MYO9A: variants seen among roughly 807,000 people sequenced by gnomAD.
MYO9A encodes the protein unconventional myosin-IXa.
MYO9A carries 103 observed loss-of-function variants against 293.3 expected under a neutral mutation model. The observed-to-expected ratio is 0.35, with a 90% CI of 0.30 to 0.41. The LOEUF (loss-of-function observed/expected upper bound fraction) is 0.41, where lower values mean the gene tolerates loss of function less well. Among genes scored for constraint, MYO9A ranks in the 10% least tolerant of loss-of-function variants. The pLI is 1.00. For missense variants in MYO9A, 2,685 were observed against 3,033.0 expected (o/e 0.89, Z 2.69); for synonymous variants, 1,001 against 1,035.7 (o/e 0.97, Z 0.64).
At position 71,859,717 on chromosome 15, in the gene MYO9A, T is replaced by C. The variant is rs777970073; in HGVS notation, c.6153+18A>G. 8.8e-6 allele frequency: 14 copies of C among 1,596,288 alleles called. No homozygotes were observed. The highest frequency in any genetic ancestry group is 3.3e-5 in the South Asian group (3 of 90,608). On this transcript the variant is annotated intron_variant, in intron 34 of 41. Coordinates refer to ENST00000356056, the MANE Select transcript of MYO9A (RefSeq NM_006901.4). ...CAACAGGTCTGTTATCTATTACTGATAGGTGATAATTTCTTACCTTTTTAG... is the reference window on the plus strand; with the variant it reads ...CAACAGGTCTGTTATCTATTACTGACAGGTGATAATTTCTTACCTTTTTAG...
At chr15:71,911,122 CT>C (rs2057836843) in intron 19 of MYO9A, among the ~76,000 whole-genome samples, 1 of 152,166 alleles carries the variant, frequency 6.6e-6, no homozygotes, top group Non-Finnish European at 1.5e-5. Flanking sequence ...AATCTGCTTC[CT>C]GCTGCTATAA....
intron 9 of MYO9A, among the ~76,000 whole-genome samples, chr15:71,998,574 T>TC (rs2076773090): frequency 6.7e-6 from 1 of 150,188 alleles, no homozygotes; most frequent in African/African-American, 2.4e-5. Flanking sequence ...TCTTTTTTTT[T>TC]CTTTTTATTA....
chr15:71,964,275 G>C (rs964847337), intron 13 of MYO9A, among the ~76,000 whole-genome samples: 7 of 151,880 alleles, frequency 4.6e-5, no homozygotes, highest in African/African-American at 1.7e-4. Context: ...ACTGATTTCT[G>C]GTCTTATTTT....
intron 8 of MYO9A, among the ~76,000 whole-genome samples, chr15:72,004,557 C>CA (rs1043074423): frequency 1.5e-4 from 23 of 151,120 alleles, no homozygotes; most frequent in Admixed American, 2.6e-4. Context: ...AACTCCATCT[C>CA]AAAAAAACAA....
intron 22 of MYO9A, among the ~76,000 whole-genome samples, chr15:71,902,739 TA>T (rs1340173077): frequency 6.6e-6 from 1 of 152,180 alleles, no homozygotes; most frequent in Admixed American, 6.5e-5. Flanking sequence ...TTTAGGCAGT[TA>T]AAATTATAGT....
At chr15:71,933,590 G>C (rs2058542257) in intron 18 of MYO9A, 80 bp downstream of exon 18, 1 of 1,261,528 alleles carries the variant, frequency 7.9e-7, no homozygotes, top group Non-Finnish European at 1.1e-6. Context: ...CTTGTTTTTT[G>C]ATGTATGAAG....
intron 1 of MYO9A, among the ~76,000 whole-genome samples, chr15:72,077,618 G>A (rs1204040367): frequency 6.6e-6 from 1 of 151,420 alleles, no homozygotes; most frequent in African/African-American, 2.4e-5. Context: ...CTTGAACCGG[G>A]GTGACGGCAG....
At chr15:72,056,510 G>A (rs1329234273) in intron 1 of MYO9A, among the ~76,000 whole-genome samples, 1 of 152,242 alleles carries the variant, frequency 6.6e-6, no homozygotes, top group East Asian at 1.9e-4. Flanking sequence ...AACATCGTAT[G>A]TTCTCGCTCA....
intron 1 of MYO9A, among the ~76,000 whole-genome samples, chr15:72,097,301 G>A (rs1315385333): frequency 6.6e-6 from 1 of 152,170 alleles, no homozygotes; most frequent in Non-Finnish European, 1.5e-5. Flanking sequence ...TGATTAGTCT[G>A]CAGCCACCAC....
intron 13 of MYO9A, among the ~76,000 whole-genome samples, chr15:71,966,300 G>GTGTGTGTT (rs2075875750): frequency 6.6e-6 from 1 of 151,506 alleles, no homozygotes; most frequent in Non-Finnish European, 1.5e-5. Flanking sequence ...GTGTGTGTGT[G>GTGTGTGTT]TGTGTGTATG....
chr15:72,015,844 C>A (rs1056855079), intron 6 of MYO9A, among the ~76,000 whole-genome samples: 4 of 152,048 alleles, frequency 2.6e-5, no homozygotes, highest in African/African-American at 9.6e-5. Flanking sequence ...CCCGCCACCA[C>A]ATCCAGCTAA....
chr15:71,941,616 A>G (rs1225704359), intron 15 of MYO9A, among the ~76,000 whole-genome samples: 5 of 152,238 alleles, frequency 3.3e-5, no homozygotes, highest in Non-Finnish European at 7.3e-5. Context: ...TTTGAAAAAT[A>G]TTGGCCAAAA....
intron 32 of MYO9A, among the ~76,000 whole-genome samples, chr15:71,866,994 C>T (rs1382401418): frequency 6.6e-6 from 1 of 151,828 alleles, no homozygotes; most frequent in Non-Finnish European, 1.5e-5. Context: ...GAGGTGGAAG[C>T]TGTGGTGAGC....
At chr15:72,034,693 C>T (rs182853995) in intron 2 of MYO9A, among the ~76,000 whole-genome samples, 1 of 152,302 alleles carries the variant, frequency 6.6e-6, no homozygotes, top group Non-Finnish European at 1.5e-5. Flanking sequence ...CAGAAACATA[C>T]ATTTCATCAA....
At chr15:72,048,553 C>G (rs1160839516) in intron 1 of MYO9A, among the ~76,000 whole-genome samples, 2 of 152,038 alleles carry the variant, frequency 1.3e-5, no homozygotes, top group African/African-American at 4.8e-5. Context: ...GGATCTGTAC[C>G]TATCAATCTG....
At chr15:71,917,015 C>T (rs1473585536) in intron 18 of MYO9A, among the ~76,000 whole-genome samples, 1 of 152,194 alleles carries the variant, frequency 6.6e-6, no homozygotes, top group Non-Finnish European at 1.5e-5. Context: ...GTATGTACCG[C>T]AAGTAGCAGC....
intron 26 of MYO9A, chr15:71,889,708 C>T (rs919798329): frequency 2.0e-5 from 3 of 151,614 alleles, no homozygotes; most frequent in African/African-American, 7.3e-5. Flanking sequence ...CAAAATTGAC[C>T]CTGTTAGATA....
At chr15:71,939,260 G>A (rs2058711750) in intron 15 of MYO9A, among the ~76,000 whole-genome samples, 1 of 152,108 alleles carries the variant, frequency 6.6e-6, no homozygotes, top group African/African-American at 2.4e-5. Flanking sequence ...TGTTACAAAG[G>A]TAAACTCATG....
chr15:72,111,108 G>A (rs1275005865), intron 1 of MYO9A, among the ~76,000 whole-genome samples: 1 of 150,748 alleles, frequency 6.6e-6, no homozygotes, highest in South Asian at 2.1e-4. Context: ...GCAGTGAGCC[G>A]AGATTGCACC....
Sources: allele counts gnomAD v4.1 joint callset (sites outside exome capture counted in the v4.1 genomes callset), GRCh38; gene constraint gnomAD v4.1.1; transcripts MANE v1.5; gene names NCBI Gene and HGNC (gene_info 2026-07-23, HGNC 2026-07-21).